ERC1: variants seen among roughly 807,000 people sequenced by gnomAD.
ERC1 encodes RAB6 interacting protein 2.
In ERC1, 56 loss-of-function variants were observed where a neutral mutation model predicts 132.0. That is an observed-to-expected ratio of 0.42 (90% CI 0.34 to 0.53). The LOEUF is 0.53. Ranked by LOEUF, ERC1 falls within the 20% of genes least tolerant of loss-of-function variation. The pLI is 0.03. For synonymous variants in ERC1, 478 were observed against 476.1 expected (o/e 1.00, Z -0.05); for missense variants, 1,202 against 1,349.9 (o/e 0.89, Z 1.72).
At chr12:1,401,994 A>G (rs1041814807) in intron 16 of ERC1, among the ~76,000 whole-genome samples, 1 of 152,158 alleles carries the variant, frequency 6.6e-6, no homozygotes, top group Non-Finnish European at 1.5e-5. Context: ...ATCTGATAGG[A>G]GTTTTGAGAA....
intron 15 of ERC1, among the ~76,000 whole-genome samples, chr12:1,325,364 TAAGA>T (rs1566591268): frequency 6.6e-6 from 1 of 152,200 alleles, no homozygotes; most frequent in Non-Finnish European, 1.5e-5. Context: ...GAAAAAATGC[TAAGA>T]GTTTGTGTCC....
At chr12:1,174,224 G>C (rs970205385) in intron 8 of ERC1, among the ~76,000 whole-genome samples, 1 of 152,226 alleles carries the variant, frequency 6.6e-6, no homozygotes, top group African/African-American at 2.4e-5. Context: ...CAGCTGGTTT[G>C]CACCTATCTG....
At chr12:1,387,827 C>A (rs7305340) in intron 16 of ERC1, among the ~76,000 whole-genome samples, 4,671 of 152,262 alleles carry the variant, frequency 0.031, 80 homozygotes, top group Middle Eastern at 0.071. Flanking sequence ...CTTACGGCAG[C>A]TCCAGGAAAC....
At chr12:1,180,775 G>A in intron 9 of ERC1, 98 bp downstream of exon 9, 1 of 1,422,230 alleles carries the variant, frequency 7.0e-7, no homozygotes, top group Non-Finnish European at 9.7e-7. Context: ...GGGCACAAGG[G>A]AAAAGAGCTG....
intron 1 of ERC1, among the ~76,000 whole-genome samples, chr12:1,011,239 C>T (rs142630399): frequency 6.6e-6 from 1 of 152,214 alleles, no homozygotes; most frequent in African/African-American, 2.4e-5. Flanking sequence ...CACTCCGTCA[C>T]CCAGGCTGGA....
intron 18 of ERC1, among the ~76,000 whole-genome samples, chr12:1,489,887 C>T (rs1054420257): frequency 2.0e-5 from 3 of 152,190 alleles, no homozygotes; most frequent in African/African-American, 4.8e-5. Flanking sequence ...GATCAGCTTT[C>T]GGCCTAGAAC....
At chr12:1,422,681 A>G (rs1317269063) in intron 17 of ERC1, among the ~76,000 whole-genome samples, 2 of 152,118 alleles carry the variant, frequency 1.3e-5, no homozygotes, top group Admixed American at 6.5e-5. Flanking sequence ...GATCTCTTTG[A>G]TTACTGATTT....
At chr12:1,139,946 TA>T (rs1265145396) in intron 7 of ERC1, among the ~76,000 whole-genome samples, 1 of 152,194 alleles carries the variant, frequency 6.6e-6, no homozygotes, top group South Asian at 2.1e-4. Flanking sequence ...TTCCAGATTA[TA>T]ATTAGGTTAA....
At chr12:1,391,895 G>T (rs1244694495) in intron 16 of ERC1, among the ~76,000 whole-genome samples, 1 of 152,132 alleles carries the variant, frequency 6.6e-6, no homozygotes, top group Non-Finnish European at 1.5e-5. Context: ...GATATATAAG[G>T]CAGAAAGATC....
chr12:1,209,047 C>G (rs2154289506), intron 12 of ERC1, among the ~76,000 whole-genome samples: 1 of 147,006 alleles, frequency 6.8e-6, no homozygotes, highest in South Asian at 2.2e-4. Flanking sequence ...CAGCTCACTG[C>G]AACCTCTACC....
chr12:1,054,832 T>TA (rs960600558), intron 2 of ERC1, among the ~76,000 whole-genome samples: 3 of 152,066 alleles, frequency 2.0e-5, no homozygotes, highest in African/African-American at 7.2e-5. Context: ...GAAAGAGAAA[T>TA]ATGCATTTGA....
chr12:1,464,100 C>G (rs16928468), intron 18 of ERC1, among the ~76,000 whole-genome samples: 1 of 151,938 alleles, frequency 6.6e-6, no homozygotes, highest in African/African-American at 2.4e-5. Flanking sequence ...TACGCAGTTG[C>G]AATGACACAG....
At chr12:1,399,146 CTGGTTA>C (rs942654418) in intron 16 of ERC1, among the ~76,000 whole-genome samples, 1 of 151,102 alleles carries the variant, frequency 6.6e-6, no homozygotes, top group African/African-American at 2.4e-5. Flanking sequence ...GATACAGGGT[CTGGTTA>C]TGTTGCCCAG....
intron 16 of ERC1, among the ~76,000 whole-genome samples, chr12:1,394,035 AAAAAAAAAACCAC>A (rs1422290092): frequency 0.035 from 2,948 of 84,610 alleles, 265 homozygotes; most frequent in Non-Finnish European, 0.057. Context: ...AAAAAAAAAC[AAAAAAAAAACCAC>A]AAAGCATTAA....
chr12:1,220,878 G>A (rs1594322763), intron 12 of ERC1, among the ~76,000 whole-genome samples: 2 of 152,252 alleles, frequency 1.3e-5, no homozygotes, highest in African/African-American at 2.4e-5. Context: ...CCTGGGCCTC[G>A]TGCCCATTCG....
chr12:1,469,495 G>C (rs78335020), intron 18 of ERC1, among the ~76,000 whole-genome samples: 1 of 152,228 alleles, frequency 6.6e-6, no homozygotes, highest in Non-Finnish European at 1.5e-5. Context: ...AGGACCTGGC[G>C]GTCCTTCCAG....
At chr12:1,372,714 C>G (rs145762775) in intron 16 of ERC1, among the ~76,000 whole-genome samples, 2 of 152,328 alleles carry the variant, frequency 1.3e-5, no homozygotes, top group South Asian at 2.1e-4. Context: ...GCGCAGCATC[C>G]GCGTCCCAGC....
At chr12:1,455,541 G>A (rs1300171722) in intron 18 of ERC1, among the ~76,000 whole-genome samples, 1 of 152,208 alleles carries the variant, frequency 6.6e-6, no homozygotes, top group Admixed American at 6.5e-5. Context: ...TGTATAAGAT[G>A]TGCTGGTTGC....
chr12:1,481,685 T>A (rs2094095344), intron 18 of ERC1, among the ~76,000 whole-genome samples: 1 of 152,200 alleles, frequency 6.6e-6, no homozygotes, highest in African/African-American at 2.4e-5. Context: ...ACTTTTCGAT[T>A]CTGTGATTCC....
Sources: gnomAD v4.1 joint callset for allele counts (sites outside exome capture counted in the v4.1 genomes callset) on GRCh38, gnomAD v4.1.1 for gene constraint, MANE v1.5 for transcripts, NCBI Gene and HGNC (gene_info 2026-07-23, HGNC 2026-07-21) for gene names.